Variants in CNBD1 observed in about 807,000 individuals in gnomAD.
CNBD1 encodes the protein cyclic nucleotide-binding domain-containing protein 1.
A neutral mutation model predicts 54.4 loss-of-function variants in CNBD1; 71 were observed. That is an observed-to-expected ratio of 1.30 (90% CI 1.08 to 1.59). CNBD1 has a LOEUF of 1.59. Ranked by LOEUF, CNBD1 falls within the 40% of genes most tolerant of loss-of-function variation. The pLI is 0.00. For synonymous variants in CNBD1, 182 were observed against 170.7 expected, an observed-to-expected ratio of 1.07 and a Z score of -0.51; for missense variants, 659 against 518.0, an observed-to-expected ratio of 1.27 and a Z score of -2.64.
rs146890819 is a variant in CNBD1 at position 87,399,451 on chromosome 8, C to T, written c.214-29095C>T. On this transcript the variant is annotated intron_variant, in intron 2 of 7. Transcript: ENST00000521593. ...ATCACTTAATTGGAGGTAAACTTGT[C>T]TGAAATAAATCAATACAATTTTAAG... Among the ~76,000 whole-genome samples, 684 of 152,062 alleles carry T rather than the reference C, an allele frequency of 4.5e-3. 5 individuals are homozygous for T. Among genetic ancestry groups the T allele is most frequent in the Non-Finnish European group, 7.8e-3 (532 of 67,954 alleles).
intron 4 of CNBD1, among the ~76,000 whole-genome samples, chr8:87,061,121 C>T (rs1346155583): frequency 6.6e-6 from 1 of 152,194 alleles, no homozygotes; most frequent in Non-Finnish European, 1.5e-5. Context: ...ATCAAACTTT[C>T]TGTGGCTGTT....
At chr8:86,967,801 G>GT (rs796253707) in intron 4 of CNBD1, among the ~76,000 whole-genome samples, 5,289 of 134,136 alleles carry the variant, frequency 0.039, 202 homozygotes, top group African/African-American at 0.11. Context: ...TGCTTGTTCA[G>GT]TTTTTTTTTT....
chr8:87,222,664 A>G (rs890979756), intron 5 of CNBD1, among the ~76,000 whole-genome samples: 3 of 152,322 alleles, frequency 2.0e-5, no homozygotes, highest in African/African-American at 7.2e-5. Context: ...AGGTCTTTGT[A>G]CCAGAGAGTG....
At chr8:87,230,025 C>G (rs1402664718) in intron 5 of CNBD1, among the ~76,000 whole-genome samples, 1 of 151,890 alleles carries the variant, frequency 6.6e-6, no homozygotes, top group Non-Finnish European at 1.5e-5. Context: ...ATGCTGGCAT[C>G]TGCTTAACTT....
chr8:86,997,320 C>T (rs1390327564), intron 4 of CNBD1, among the ~76,000 whole-genome samples: 4 of 152,112 alleles, frequency 2.6e-5, no homozygotes, highest in Admixed American at 1.3e-4. Context: ...CAAGTTGAAC[C>T]TCTTGAGCAT....
intron 5 of CNBD1, among the ~76,000 whole-genome samples, chr8:87,215,432 CA>C (rs763250079): frequency 2.0e-5 from 3 of 151,682 alleles, no homozygotes; most frequent in Admixed American, 6.6e-5. Flanking sequence ...TAAAAAAATA[CA>C]AAAAATTAGC....
chr8:86,952,604 AT>A (rs1807653806), intron 4 of CNBD1, among the ~76,000 whole-genome samples: 1 of 151,942 alleles, frequency 6.6e-6, no homozygotes, highest in Admixed American at 6.6e-5. Context: ...TATATCATAT[AT>A]AACATGTTAT....
chr8:87,378,170 T>C (rs1810991549), intron 10 of CNBD1, among the ~76,000 whole-genome samples: 1 of 141,532 alleles, frequency 7.1e-6, no homozygotes, highest in Admixed American at 7.1e-5. Flanking sequence ...AGATCCCATT[T>C]GTCAATTTTG....
chr8:87,355,729 A>G (rs1013908211), intron 10 of CNBD1, among the ~76,000 whole-genome samples: 3 of 152,104 alleles, frequency 2.0e-5, no homozygotes, highest in Non-Finnish European at 1.5e-5. Flanking sequence ...TTCATGATAA[A>G]CCATATAAGA....
At chr8:87,065,028 C>T (rs1157712846) in intron 4 of CNBD1, among the ~76,000 whole-genome samples, 1 of 151,866 alleles carries the variant, frequency 6.6e-6, no homozygotes, top group African/African-American at 2.4e-5. Flanking sequence ...AGTTTTGGCT[C>T]AGAAATTCTC....
chr8:87,135,376 A>T (rs578078669), intron 4 of CNBD1, among the ~76,000 whole-genome samples: 60 of 151,886 alleles, frequency 4.0e-4, no homozygotes, highest in African/African-American at 1.4e-3. Flanking sequence ...ATCTTCAAAA[A>T]TAAACCTCAA....
At chr8:87,160,879 G>A (rs1466542827) in intron 4 of CNBD1, among the ~76,000 whole-genome samples, 1 of 152,116 alleles carries the variant, frequency 6.6e-6, no homozygotes, top group African/African-American at 2.4e-5. Flanking sequence ...ATGTAAAGGT[G>A]AAAGTGGATT....
chr8:87,399,245 AT>A (rs1811458392), intron 2 of CNBD1, among the ~76,000 whole-genome samples: 1 of 152,006 alleles, frequency 6.6e-6, no homozygotes, highest in South Asian at 2.1e-4. Flanking sequence ...ATAAGTAAGA[AT>A]TTTAAAACAG....
At chr8:87,048,934 G>C (rs1198397962) in intron 4 of CNBD1, among the ~76,000 whole-genome samples, 1 of 152,222 alleles carries the variant, frequency 6.6e-6, no homozygotes, top group Non-Finnish European at 1.5e-5. Flanking sequence ...CCCCACCTAG[G>C]TGAAAGGTTT....
intron 4 of CNBD1, among the ~76,000 whole-genome samples, chr8:87,013,639 G>GC (rs1554638893): frequency 7.5e-6 from 1 of 133,894 alleles, no homozygotes; most frequent in Non-Finnish European, 1.6e-5. Flanking sequence ...TTTGTTTTTT[G>GC]TTTTTTTTTT....
At chr8:87,109,952 C>T (rs566162557) in intron 4 of CNBD1, among the ~76,000 whole-genome samples, 1 of 152,244 alleles carries the variant, frequency 6.6e-6, no homozygotes, top group South Asian at 2.1e-4. Flanking sequence ...TGCCTCTTCC[C>T]CAGGCCTTCT....
chr8:87,125,413 C>T (rs888525731), intron 4 of CNBD1, among the ~76,000 whole-genome samples: 15 of 151,712 alleles, frequency 9.9e-5, no homozygotes, highest in African/African-American at 2.9e-4. Context: ...AATAGCATGG[C>T]GCCTGCATAC....
intron 8 of CNBD1, among the ~76,000 whole-genome samples, chr8:87,343,570 A>G (rs927030541): frequency 2.0e-5 from 3 of 152,306 alleles, no homozygotes; most frequent in South Asian, 4.1e-4. Context: ...TCTTGTCAAC[A>G]TCTCCTGTTA....
At chr8:86,921,242 A>G (rs1809266763) in intron 3 of CNBD1, among the ~76,000 whole-genome samples, 1 of 152,146 alleles carries the variant, frequency 6.6e-6, no homozygotes, top group Non-Finnish European at 1.5e-5. Flanking sequence ...CTCTTTGAAA[A>G]TATGTATTTA....
Sources: gnomAD v4.1 joint callset for allele counts (sites outside exome capture counted in the v4.1 genomes callset) on GRCh38, gnomAD v4.1.1 for gene constraint, MANE v1.5 for transcripts, NCBI Gene and HGNC (gene_info 2026-07-23, HGNC 2026-07-21) for gene names.